The following BMAL2 variants were observed in gnomAD, a reference collection of about 807,000 sequenced individuals.
The protein encoded by BMAL2 is basic helix-loop-helix ARNT-like protein 2.
chr12:27,414,328 C>A, the BMAL2 span, among the ~76,000 whole-genome samples: 1 of 152,114 alleles, frequency 6.6e-6, no homozygotes, highest in Non-Finnish European at 1.5e-5. Context: ...CGTGAACACT[C>A]CATCTGATGG....
chr12:27,344,107 A>G, the BMAL2 span, among the ~76,000 whole-genome samples: 3 of 152,208 alleles, frequency 2.0e-5, no homozygotes, highest in Admixed American at 6.5e-5. Flanking sequence ...TCCATGTTTC[A>G]GATGAGGAAA....
At chr12:27,400,846 G>A in the BMAL2 span, 1 of 1,340,268 alleles carries the variant, frequency 7.5e-7, no homozygotes, top group Non-Finnish European at 1.0e-6. Context: ...TGTCTTAGTA[G>A]CACTGCTAGT....
the BMAL2 span, chr12:27,380,164 A>C: frequency 1.8e-5 from 25 of 1,390,220 alleles, no homozygotes; most frequent in South Asian, 3.2e-4. Context: ...TGCTGGGCTC[A>C]GCATCTGCTC....
chr12:27,368,195 T>C, the BMAL2 span: 1 of 1,554,604 alleles, frequency 6.4e-7, no homozygotes, highest in Non-Finnish European at 8.8e-7. Flanking sequence ...AAATGTGTGA[T>C]ATGGATATGT....
chr12:27,335,236 A>T, the BMAL2 span, among the ~76,000 whole-genome samples: 1 of 152,144 alleles, frequency 6.6e-6, no homozygotes, highest in East Asian at 1.9e-4. Flanking sequence ...GTGTTTTTTT[A>T]ACAGTGTAAA....
At chr12:27,403,969 C>T in the BMAL2 span, among the ~76,000 whole-genome samples, 2 of 151,084 alleles carry the variant, frequency 1.3e-5, no homozygotes, top group African/African-American at 4.9e-5. Flanking sequence ...TTGAGACAAG[C>T]CTGGGCAACA....
At chr12:27,385,255 A>G in the BMAL2 span, among the ~76,000 whole-genome samples, 2 of 152,214 alleles carry the variant, frequency 1.3e-5, no homozygotes, top group Non-Finnish European at 2.9e-5. Flanking sequence ...TGGAGGTTGC[A>G]GTGAGCTGAG....
the BMAL2 span, among the ~76,000 whole-genome samples, chr12:27,363,769 T>C: frequency 6.6e-6 from 1 of 152,238 alleles, no homozygotes; most frequent in African/African-American, 2.4e-5. Context: ...GCTTGTGGTT[T>C]CATTTTCTTT....
chr12:27,407,686 A>G, the BMAL2 span, among the ~76,000 whole-genome samples: 2 of 152,346 alleles, frequency 1.3e-5, no homozygotes, highest in South Asian at 2.1e-4. Context: ...TAAAAGAACT[A>G]GAGAAGCAAG....
the BMAL2 span, among the ~76,000 whole-genome samples, chr12:27,349,091 G>A: frequency 6.6e-6 from 1 of 152,172 alleles, no homozygotes; most frequent in African/African-American, 2.4e-5. Flanking sequence ...GAGAATCAGA[G>A]TCATGGGGGA....
the BMAL2 span, among the ~76,000 whole-genome samples, chr12:27,365,782 A>G: frequency 2.5e-4 from 38 of 151,600 alleles, no homozygotes; most frequent in Admixed American, 2.2e-3. Flanking sequence ...AGAGTTTACA[A>G]TCATCTGGAA....
At chr12:27,392,675 G>T in the BMAL2 span, among the ~76,000 whole-genome samples, 2 of 147,806 alleles carry the variant, frequency 1.4e-5, no homozygotes, top group Non-Finnish European at 3.0e-5. Flanking sequence ...ACAGAAATCC[G>T]TAAGAGGAAA....
At chr12:27,416,280 A>G in the BMAL2 span, among the ~76,000 whole-genome samples, 1 of 152,144 alleles carries the variant, frequency 6.6e-6, no homozygotes, top group African/African-American at 2.4e-5. Flanking sequence ...TAAATACATA[A>G]ACAAAAACTC....
chr12:27,360,587 A>G, the BMAL2 span, among the ~76,000 whole-genome samples: 7 of 152,174 alleles, frequency 4.6e-5, no homozygotes, highest in Admixed American at 2.0e-4. Flanking sequence ...CATTAACTCA[A>G]TGTTGTTTTC....
At chr12:27,365,129 T>C in the BMAL2 span, among the ~76,000 whole-genome samples, 1 of 152,076 alleles carries the variant, frequency 6.6e-6, no homozygotes, top group South Asian at 2.1e-4. Context: ...TTTCTTGCCT[T>C]ACCCTACTGT....
the BMAL2 span, among the ~76,000 whole-genome samples, chr12:27,334,509 C>G: frequency 6.6e-6 from 1 of 152,164 alleles, no homozygotes; most frequent in Non-Finnish European, 1.5e-5. Flanking sequence ...TGAGTGCTGT[C>G]TGGTCCATTA....
the BMAL2 span, among the ~76,000 whole-genome samples, chr12:27,384,660 C>T: frequency 2.0e-5 from 3 of 152,082 alleles, no homozygotes; most frequent in South Asian, 2.1e-4. Flanking sequence ...TTCCTATGCA[C>T]ATATACCTAT....
chr12:27,401,351 A>G, the BMAL2 span: 1 of 1,613,640 alleles, frequency 6.2e-7, no homozygotes, highest in Non-Finnish European at 8.5e-7. Flanking sequence ...TTTGACTGAC[A>G]AGCACAAAGC....
the BMAL2 span, among the ~76,000 whole-genome samples, chr12:27,383,563 C>T: frequency 9.2e-5 from 14 of 152,112 alleles, no homozygotes; most frequent in East Asian, 1.9e-3. Context: ...AGTCAGGGCT[C>T]GCCTGTGATG....
Sources: gnomAD v4.1 joint callset for allele counts (sites outside exome capture counted in the v4.1 genomes callset) on GRCh38, gnomAD v4.1.1 for gene constraint, MANE v1.5 for transcripts, NCBI Gene and HGNC (gene_info 2026-07-23, HGNC 2026-07-21) for gene names.